TEKTL1: variants seen among roughly 807,000 people sequenced by gnomAD.
The protein encoded by TEKTL1 is tektin-like protein 1.
At chr19:15,017,046 T>C in the TEKTL1 span, among the ~76,000 whole-genome samples, 1 of 152,120 alleles carries the variant, frequency 6.6e-6, no homozygotes, top group South Asian at 2.1e-4. Flanking sequence ...CATAGCAAGA[T>C]ATCATCTCTA....
At chr19:15,021,412 G>T in the TEKTL1 span, 26 of 1,614,014 alleles carry the variant, frequency 1.6e-5, no homozygotes, top group Non-Finnish European at 2.0e-5. Flanking sequence ...GGACACCTTG[G>T]TAGAAATGGC....
chr19:15,020,631 T>C, the TEKTL1 span: 19 of 1,613,656 alleles, frequency 1.2e-5, no homozygotes, highest in Non-Finnish European at 1.6e-5. Flanking sequence ...AAACGCCTCC[T>C]CCAGACCCTG....
chr19:15,021,517 A>C, the TEKTL1 span: 1 of 1,614,072 alleles, frequency 6.2e-7, no homozygotes, highest in Non-Finnish European at 8.5e-7. Flanking sequence ...CTTGGAGCTG[A>C]AGGTGAGCGC....
chr19:15,019,377 G>A, the TEKTL1 span, among the ~76,000 whole-genome samples: 2 of 152,072 alleles, frequency 1.3e-5, no homozygotes, highest in Admixed American at 6.6e-5. Context: ...AAAAGAATAC[G>A]TTTTAAATGA....
the TEKTL1 span, among the ~76,000 whole-genome samples, chr19:15,017,625 G>A: frequency 2.6e-5 from 4 of 152,114 alleles, no homozygotes; most frequent in South Asian, 2.1e-4. Flanking sequence ...AATCAAGGGG[G>A]TGACACAGGA....
At chr19:15,017,234 G>A in the TEKTL1 span, among the ~76,000 whole-genome samples, 5 of 152,040 alleles carry the variant, frequency 3.3e-5, no homozygotes, top group East Asian at 7.8e-4. Flanking sequence ...AATGAAGGAA[G>A]GAAGGACTAA....
At chr19:15,021,381 G>T in the TEKTL1 span, 8 of 1,614,266 alleles carry the variant, frequency 5.0e-6, no homozygotes, top group Middle Eastern at 9.9e-4. Flanking sequence ...ACGAAGCCAA[G>T]CGGTTGTTGG....
the TEKTL1 span, among the ~76,000 whole-genome samples, chr19:15,017,424 A>C: frequency 3.3e-3 from 504 of 152,296 alleles, 4 homozygotes; most frequent in African/African-American, 0.012. Flanking sequence ...ATAATTGCAA[A>C]TATCAAAGGA....
the TEKTL1 span, chr19:15,021,981 A>G: frequency 7.7e-7 from 1 of 1,302,158 alleles, no homozygotes; most frequent in Non-Finnish European, 1.1e-6. Context: ...CTCCTTCCTC[A>G]AGCACATCTG....
the TEKTL1 span, chr19:15,010,733 T>A: frequency 7.3e-7 from 1 of 1,365,698 alleles, no homozygotes; most frequent in Non-Finnish European, 9.7e-7. Context: ...CTCAGTACAC[T>A]GTCTCTACAG....
At chr19:15,020,946 C>T in the TEKTL1 span, among the ~76,000 whole-genome samples, 27 of 150,808 alleles carry the variant, frequency 1.8e-4, no homozygotes, top group African/African-American at 5.1e-4. Flanking sequence ...ATGGCCTGAT[C>T]TCAGCTCACT....
the TEKTL1 span, chr19:15,022,841 G>T: frequency 6.4e-7 from 1 of 1,559,344 alleles, no homozygotes; most frequent in African/African-American, 1.4e-5. Flanking sequence ...ATCTGCTCTG[G>T]CTCACGGGTC....
the TEKTL1 span, among the ~76,000 whole-genome samples, chr19:15,012,931 C>T: frequency 6.6e-6 from 1 of 151,698 alleles, no homozygotes; most frequent in Admixed American, 6.6e-5. Flanking sequence ...GTGAAACTCC[C>T]CCCCAGAATG....
the TEKTL1 span, chr19:15,020,366 C>T: frequency 9.3e-7 from 1 of 1,078,718 alleles, no homozygotes; most frequent in Non-Finnish European, 1.4e-6. Flanking sequence ...GCTTTACAGC[C>T]TATAAGGCTC....
the TEKTL1 span, chr19:15,022,996 C>A: frequency 6.2e-7 from 1 of 1,613,032 alleles, no homozygotes; most frequent in East Asian, 2.2e-5. Context: ...TGGACGGCAA[C>A]GTGGTGCGCC....
chr19:15,019,414 G>A, the TEKTL1 span, among the ~76,000 whole-genome samples: 2 of 152,202 alleles, frequency 1.3e-5, no homozygotes, highest in African/African-American at 4.8e-5. Flanking sequence ...TGATAAGTAT[G>A]TGAGACGATG....
At chr19:15,014,735 GGGC>G in the TEKTL1 span, among the ~76,000 whole-genome samples, 9 of 122,742 alleles carry the variant, frequency 7.3e-5, no homozygotes, top group African/African-American at 2.9e-4. Flanking sequence ...GGGGGGCGGG[GGGC>G]GGGGGCTGCT....
At chr19:15,022,746 TGGCCCATTCA>T in the TEKTL1 span, 1 of 793,706 alleles carries the variant, frequency 1.3e-6, no homozygotes, top group Non-Finnish European at 1.8e-6. Context: ...CAGGCACACC[TGGCCCATTCA>T]GATGTGTTCC....
chr19:15,014,872 C>T, the TEKTL1 span, among the ~76,000 whole-genome samples: 1 of 151,920 alleles, frequency 6.6e-6, no homozygotes, highest in Non-Finnish European at 1.5e-5. Flanking sequence ...GGGAGAAGCC[C>T]CTGAGGATGG....
Sources: allele counts gnomAD v4.1 joint callset (sites outside exome capture counted in the v4.1 genomes callset), GRCh38; gene constraint gnomAD v4.1.1; transcripts MANE v1.5; gene names NCBI Gene and HGNC (gene_info 2026-07-23, HGNC 2026-07-21).